Variants in SPRED2 observed in about 807,000 individuals in gnomAD.
SPRED2 encodes sprouty related EVH1 domain containing 2, also known as sprouty-related, EVH1 domain-containing protein 2.
SPRED2 carries 47 observed loss-of-function variants against 43.0 expected under a neutral mutation model. The observed-to-expected ratio is 1.09, with a 90% confidence interval of 0.87 to 1.40. The LOEUF is 1.40. Among genes scored for constraint, SPRED2 ranks in the 40% most tolerant of loss-of-function variants. The pLI, the probability that SPRED2 is intolerant of heterozygous loss-of-function variation, is 0.00. For missense variants in SPRED2, 561 were observed against 586.4 expected (o/e 0.96, Z 0.45); for synonymous variants, 225 against 225.7 (o/e 1.00, Z 0.03).
At chr2:65,348,690 G>C (rs1018667092) in intron 1 of SPRED2, among the ~76,000 whole-genome samples, 1 of 151,506 alleles carries the variant, frequency 6.6e-6, no homozygotes, top group Non-Finnish European at 1.5e-5. Context: ...TGTAATCCCA[G>C]TTACTCGGGA....
intron 1 of SPRED2, among the ~76,000 whole-genome samples, chr2:65,431,442 G>A (rs1219518378): frequency 1.3e-5 from 2 of 151,962 alleles, no homozygotes; most frequent in Admixed American, 6.6e-5. Flanking sequence ...TCCTCCTCTC[G>A]CTCCGCCGTG....
At chr2:65,317,953 A>G (rs1440045992) in intron 4 of SPRED2, among the ~76,000 whole-genome samples, 2 of 152,050 alleles carry the variant, frequency 1.3e-5, no homozygotes, top group Admixed American at 6.6e-5. Context: ...ATCAGTGCGC[A>G]CTGTACAAGC....
At chr2:65,375,080 A>G (rs1176187804) in intron 1 of SPRED2, among the ~76,000 whole-genome samples, 2 of 152,222 alleles carry the variant, frequency 1.3e-5, no homozygotes, top group Admixed American at 1.3e-4. Flanking sequence ...GCCTGAGAAC[A>G]TTTAGAGAGT....
intron 3 of SPRED2, chr2:65,334,065 G>A (rs1348926668): frequency 2.7e-6 from 1 of 367,474 alleles, no homozygotes; most frequent in Non-Finnish European, 5.5e-6. Context: ...ACTGCCCAAG[G>A]GCCCTCCAGG....
chr2:65,367,414 G>C (rs911322020), intron 1 of SPRED2, among the ~76,000 whole-genome samples: 18 of 152,086 alleles, frequency 1.2e-4, no homozygotes, highest in Admixed American at 1.1e-3. Flanking sequence ...CAGGCTGACT[G>C]TATTTCTCTT....
intron 1 of SPRED2, among the ~76,000 whole-genome samples, chr2:65,350,313 C>T (rs1674472041): frequency 6.6e-6 from 1 of 152,168 alleles, no homozygotes; most frequent in African/African-American, 2.4e-5. Context: ...TCAAAACATG[C>T]TATCTTTGTC....
chr2:65,401,486 A>G lies in SPRED2; in HGVS notation c.26+30476T>C, dbSNP rs113296295. On this transcript the variant is annotated intron_variant, in intron 1 of 5. Coordinates refer to ENST00000356388, the MANE Select transcript of SPRED2 (RefSeq NM_181784.3). ...CTGGTAGCATCAAGTACAAAGACTT[A>G]TAAGTAGTGAGAGCTCAAGAAGGTA... Among the ~76,000 whole-genome samples, 1,042 of 152,016 alleles carry G rather than the reference A, an allele frequency of 6.9e-3. 3 individuals carry two copies. The highest frequency in any genetic ancestry group is 9.9e-3 in the Non-Finnish European group (672 of 67,966).
chr2:65,339,288 G>C (rs981386167), intron 2 of SPRED2, among the ~76,000 whole-genome samples: 3 of 151,952 alleles, frequency 2.0e-5, no homozygotes, highest in East Asian at 1.9e-4. Flanking sequence ...TGGAAGGGGG[G>C]GCAGGGTGGG....
intron 1 of SPRED2, among the ~76,000 whole-genome samples, chr2:65,389,160 G>A (rs762296301): frequency 9.2e-5 from 14 of 151,938 alleles, no homozygotes; most frequent in Non-Finnish European, 1.9e-4. Context: ...GGCCAGGCCC[G>A]AGAGTTCAAT....
At chr2:65,338,174 C>CAG (rs1674027344) in intron 2 of SPRED2, among the ~76,000 whole-genome samples, 1 of 123,400 alleles carries the variant, frequency 8.1e-6, no homozygotes, top group African/African-American at 3.2e-5. Context: ...TCTCCCGTCT[C>CAG]CCGTCTCCCT....
At chr2:65,324,424 A>G (rs925655682) in intron 4 of SPRED2, among the ~76,000 whole-genome samples, 3 of 152,206 alleles carry the variant, frequency 2.0e-5, no homozygotes, top group Admixed American at 6.5e-5. Context: ...CCCAAGGTCA[A>G]TGCTGTCTGG....
intron 1 of SPRED2, among the ~76,000 whole-genome samples, chr2:65,346,092 G>A (rs1394397776): frequency 6.6e-6 from 1 of 152,084 alleles, no homozygotes; most frequent in Non-Finnish European, 1.5e-5. Flanking sequence ...CAGGGAAGAC[G>A]CCCTCACCCT....
intron 1 of SPRED2, among the ~76,000 whole-genome samples, chr2:65,378,326 G>C (rs1458097913): frequency 6.6e-6 from 1 of 152,178 alleles, no homozygotes; most frequent in East Asian, 1.9e-4. Flanking sequence ...TGTGATCATG[G>C]TATTGCGGTT....
rs189133880 is a variant in SPRED2, at chr2:65,407,262, A to G, written c.26+24700T>C. 8.1e-3 allele frequency among the ~76,000 whole-genome samples: 159 copies of G among 19,532 alleles called. No homozygotes were observed. The African/African-American group carries it at 0.088, about 11-fold the overall frequency. The allele number at this position is 19,532 out of a possible 152,430, so 12.8% of individuals were successfully genotyped here. On this transcript the variant is annotated intron_variant, in intron 1 of 5. Transcript: ENST00000356388. Reference sequence around the variant, plus strand: ...GCTGGCTCCTTTTTTTTTTTTTGCTAAAAGTCCCATGACAGAAGGATTCTG... The same window carrying G: ...GCTGGCTCCTTTTTTTTTTTTTGCTGAAAGTCCCATGACAGAAGGATTCTG...
Position 65,385,793 on chromosome 2 carries a change from G to A in SPRED2, c.27-40897C>T, listed in dbSNP as rs899135528. ...CTCTTGAGTTCCTTTAGAGCAAAGC[G>A]GCAGAAGAGACAGATGATGATCCCC... is the stretch of plus-strand genomic sequence containing the variant. On this transcript the variant is annotated intron_variant, in intron 1 of 5. Transcript: ENST00000356388. Among the ~76,000 whole-genome samples, 9 of 152,116 alleles carry A rather than the reference G, an allele frequency of 5.9e-5. No individual in the cohort carries two copies. The South Asian group carries it at 6.2e-4, about 11-fold the overall frequency.
At chr2:65,361,591 A>C (rs2104315472) in intron 1 of SPRED2, among the ~76,000 whole-genome samples, 1 of 152,368 alleles carries the variant, frequency 6.6e-6, no homozygotes, top group South Asian at 2.1e-4. Flanking sequence ...AGTTGTAAAG[A>C]TTAAACACAC....
intron 1 of SPRED2, among the ~76,000 whole-genome samples, chr2:65,427,473 G>A (rs1472383812): frequency 6.6e-6 from 1 of 152,116 alleles, no homozygotes; most frequent in African/African-American, 2.4e-5. Flanking sequence ...CCCTTTTTAA[G>A]GCAAACACAA....
Position 65,338,246 on chromosome 2 carries a change from CG to C in SPRED2, c.205-3474del, listed in dbSNP as rs1252031808. On this transcript the variant is annotated intron_variant, in intron 2 of 5. Coordinates refer to ENST00000356388, the MANE Select transcript of SPRED2 (RefSeq NM_181784.3). ...CTCTCCCTCTCCCGTCTCCCTCTCC[CG>C]TCTCCCTCTCCCTCTCCCGTCTCCC... 2.7e-3 allele frequency among the ~76,000 whole-genome samples: 186 copies of C among 68,192 alleles called. 47 individuals are homozygous for C. The highest frequency in any genetic ancestry group is 0.019 in the African/African-American group (170 of 9,142). The allele number at this position is 68,192 out of a possible 152,430, so 44.7% of individuals were successfully genotyped here.
chr2:65,337,376 GA>G (rs1301768189), intron 2 of SPRED2, among the ~76,000 whole-genome samples: 2 of 151,552 alleles, frequency 1.3e-5, no homozygotes, highest in Non-Finnish European at 2.9e-5. Context: ...TGCATACGGA[GA>G]AAAAAAGTGA....
Sources: allele counts gnomAD v4.1 joint callset (sites outside exome capture counted in the v4.1 genomes callset), GRCh38; gene constraint gnomAD v4.1.1; transcripts MANE v1.5; gene names NCBI Gene and HGNC (gene_info 2026-07-23, HGNC 2026-07-21).